Variants in CDH10 observed in about 807,000 individuals in gnomAD.
The protein encoded by CDH10 is cadherin-10.
A neutral mutation model predicts 73.1 loss-of-function variants in CDH10; 30 were observed. That is an observed-to-expected ratio of 0.41 (90% CI 0.31 to 0.56). The LOEUF (loss-of-function observed/expected upper bound fraction) is 0.56. Among genes scored for constraint, CDH10 ranks in the 20% least tolerant of loss-of-function variants. The pLI, the probability that CDH10 is intolerant of heterozygous loss-of-function variation, is 0.27. For missense variants in CDH10, 815 were observed against 973.7 expected (o/e 0.84, Z 2.17); for synonymous variants, 345 against 348.2 (o/e 0.99, Z 0.10).
chr5:24,610,129 C>T (rs775756219), intron 1 of CDH10, among the ~76,000 whole-genome samples: 2 of 152,170 alleles, frequency 1.3e-5, no homozygotes, highest in Non-Finnish European at 2.9e-5. Flanking sequence ...CTAATTTTAT[C>T]CTGAGACAGT....
At chr5:24,521,527 G>A (rs10062372) in intron 5 of CDH10, among the ~76,000 whole-genome samples, 73,521 of 151,874 alleles carry the variant, frequency 0.48, 17,895 homozygotes, top group East Asian at 0.58. Flanking sequence ...GAAGAGAATC[G>A]CTTGAACCTG....
At chr5:24,545,078 T>C (rs1444768432) in intron 2 of CDH10, among the ~76,000 whole-genome samples, 3 of 152,202 alleles carry the variant, frequency 2.0e-5, no homozygotes, top group African/African-American at 7.2e-5. Context: ...TTATTTCTCA[T>C]GTATTAGCTT....
intron 2 of CDH10, among the ~76,000 whole-genome samples, chr5:24,587,437 G>A (rs892414006): frequency 5.9e-5 from 9 of 152,134 alleles, no homozygotes; most frequent in Non-Finnish European, 1.3e-4. Flanking sequence ...AAGAAAATGA[G>A]AGAGCTCTGG....
At chr5:24,579,391 A>AT (rs34604235) in intron 2 of CDH10, among the ~76,000 whole-genome samples, 35,763 of 151,328 alleles carry the variant, frequency 0.24, 4,480 homozygotes, top group Admixed American at 0.29. Context: ...ATAGATATAT[A>AT]TTTTTTCTTG....
chr5:24,579,690 C>T (rs530370268), intron 2 of CDH10, among the ~76,000 whole-genome samples: 1 of 152,152 alleles, frequency 6.6e-6, no homozygotes, highest in East Asian at 1.9e-4. Flanking sequence ...CTTACATTTT[C>T]TTTGTCTTCT....
chr5:24,622,578 A>G (rs1747353798), intron 1 of CDH10, among the ~76,000 whole-genome samples: 1 of 152,176 alleles, frequency 6.6e-6, no homozygotes, highest in African/African-American at 2.4e-5. Flanking sequence ...CAGTTTTGAC[A>G]GTGATAATCA....
At chr5:24,563,775 C>CAAAAAAAAAAAAAAAAAAA (rs56666966) in intron 2 of CDH10, among the ~76,000 whole-genome samples, 1 of 128,790 alleles carries the variant, frequency 7.8e-6, no homozygotes, top group African/African-American at 3.0e-5. Flanking sequence ...CCCCCTCCAC[C>CAAAAAAAAAAAAAAAAAAA]AAAAAAAAAA....
At chr5:24,586,993 C>A (rs867061033) in intron 2 of CDH10, among the ~76,000 whole-genome samples, 2 of 151,368 alleles carry the variant, frequency 1.3e-5, no homozygotes, top group African/African-American at 2.4e-5. Flanking sequence ...TACAGGCGCC[C>A]GCCACCGTGC....
intron 1 of CDH10, among the ~76,000 whole-genome samples, chr5:24,633,395 T>C (rs1747765417): frequency 6.6e-6 from 1 of 151,778 alleles, no homozygotes; most frequent in Non-Finnish European, 1.5e-5. Context: ...ATAAAAAAAA[T>C]GTAAACAAAT....
chr5:24,610,147 A>G, intron 1 of CDH10, among the ~76,000 whole-genome samples: 1 of 152,208 alleles, frequency 6.6e-6, no homozygotes, highest in East Asian at 1.9e-4. Context: ...AGTTCTGCAA[A>G]ATAAACTTTC....
intron 1 of CDH10, among the ~76,000 whole-genome samples, chr5:24,614,611 T>C (rs1427689440): frequency 6.6e-6 from 1 of 152,176 alleles, no homozygotes; most frequent in Non-Finnish European, 1.5e-5. Context: ...CAAATTCTCA[T>C]TGTTGGGGCC....
intron 2 of CDH10, among the ~76,000 whole-genome samples, chr5:24,592,904 A>C (rs959268449): frequency 6.4e-4 from 28 of 44,050 alleles, no homozygotes; most frequent in African/African-American, 4.1e-3. Flanking sequence ...GCAATGTGAA[A>C]TATATATATA....
chr5:24,623,572 A>G (rs1235021119), intron 1 of CDH10, among the ~76,000 whole-genome samples: 10 of 152,178 alleles, frequency 6.6e-5, no homozygotes, highest in Admixed American at 6.6e-4. Flanking sequence ...AGCAATAGAG[A>G]AATAAGAACA....
chr5:24,555,902 G>T (rs34644516), intron 2 of CDH10, among the ~76,000 whole-genome samples: 58,423 of 151,844 alleles, frequency 0.38, 12,994 homozygotes, highest in East Asian at 0.58. Context: ...ACAATGAGCT[G>T]CCATCTTTAC....
chr5:24,623,596 T>G (rs1747390001), intron 1 of CDH10, among the ~76,000 whole-genome samples: 1 of 152,176 alleles, frequency 6.6e-6, no homozygotes, highest in Non-Finnish European at 1.5e-5. Flanking sequence ...CCAAAAGAGA[T>G]ATTTTCAGGT....
At chr5:24,591,862 T>G (rs1285236926) in intron 2 of CDH10, among the ~76,000 whole-genome samples, 1 of 151,944 alleles carries the variant, frequency 6.6e-6, no homozygotes, top group Non-Finnish European at 1.5e-5. Flanking sequence ...TAGATCATCA[T>G]AAAGTACTAG....
At chr5:24,542,668 A>C (rs116703262) in intron 2 of CDH10, among the ~76,000 whole-genome samples, 1,770 of 152,274 alleles carry the variant, frequency 0.012, 35 homozygotes, top group African/African-American at 0.038. Flanking sequence ...GGTGGCTTAT[A>C]AGCAACAGAA....
rs751056776 is a variant in CDH10 at position 24,537,439 on chromosome 5, T to C, written c.467A>G (p.Asn156Ser). The C allele has an allele frequency of 7.4e-6, 12 of 1,612,688 alleles. 1 individual carries two copies. In the South Asian group the frequency reaches 1.1e-4, roughly 15 times the overall value. The change falls in exon 3 of 12, where the codon AAT becomes AGT. Residue 156 changes from asparagine (N) to serine (S), a missense_variant. Coordinates refer to ENST00000264463, the MANE Select transcript of CDH10 (RefSeq NM_006727.5). The stretch of plus-strand genomic sequence containing the variant: ...GATTTCTTCTGGGAACGTTGGCTCA[T>C]TGTCATTGATATCATGAATTTTGAT... ...FVIKIHDIND[N>S]EPTFPEEIYT...
At chr5:24,555,491 C>G (rs937548181) in intron 2 of CDH10, among the ~76,000 whole-genome samples, 8 of 152,098 alleles carry the variant, frequency 5.3e-5, no homozygotes, top group African/African-American at 1.7e-4. Flanking sequence ...GCAGAGCAGG[C>G]AGCATAAGTT....
Sources: gnomAD v4.1 joint callset for allele counts (sites outside exome capture counted in the v4.1 genomes callset) on GRCh38, gnomAD v4.1.1 for gene constraint, MANE v1.5 for transcripts, NCBI Gene and HGNC (gene_info 2026-07-23, HGNC 2026-07-21) for gene names.